The following RUBCN variants were observed in gnomAD, a reference collection of about 807,000 sequenced individuals.
The protein encoded by RUBCN is rubicon autophagy regulator.
A neutral mutation model predicts 113.2 loss-of-function variants in RUBCN; 74 were observed. The ratio of observed to expected loss-of-function variants is 0.65; its 90% confidence interval spans 0.54 to 0.79. The LOEUF (loss-of-function observed/expected upper bound fraction) is 0.79, where lower values mean the gene tolerates loss of function less well. Ranked by LOEUF, RUBCN falls within the 30% of genes least tolerant of loss-of-function variation. RUBCN has a pLI of 0.00. For synonymous variants in RUBCN, 480 were observed against 490.0 expected (o/e 0.98, Z 0.27); for missense variants, 1,109 against 1,251.7 (o/e 0.89, Z 1.72).
In RUBCN at chr3:197,748,777, T is replaced by C. The variant is rs1728870794; in HGVS notation, c.-116+492A>G. ...TTTTAAGTGTGACATGCATAAGAAA[T>C]ATTTTAAAACATGGGATCCCCAAGC... On this transcript the variant is annotated intron_variant, in intron 1 of 20. Coordinates refer to the RUBCN transcript ENST00000273582. Among the ~76,000 whole-genome samples, 4 of 152,342 alleles carry C rather than the reference T, an allele frequency of 2.6e-5. No homozygotes were observed. In the South Asian group the frequency reaches 8.3e-4, roughly 32 times the overall value.
intron 11 of RUBCN, among the ~76,000 whole-genome samples, chr3:197,689,466 T>C (rs910702705): frequency 6.6e-6 from 1 of 152,120 alleles, no homozygotes; most frequent in East Asian, 1.9e-4. Context: ...TGCCTGGTGG[T>C]GAGTGCAGAT....
At chr3:197,729,137 C>T (rs1473973392) in intron 1 of RUBCN, among the ~76,000 whole-genome samples, 2 of 144,654 alleles carry the variant, frequency 1.4e-5, no homozygotes, top group African/African-American at 5.2e-5. Context: ...CAGAGCGAGA[C>T]TCCGTCTCAA....
chr3:197,743,553 A>G (rs1363381666), intron 1 of RUBCN, among the ~76,000 whole-genome samples: 3 of 152,262 alleles, frequency 2.0e-5, no homozygotes, highest in African/African-American at 4.8e-5. Context: ...AAGCTACAGC[A>G]AAGTGGCAAA....
In RUBCN at chr3:197,670,421, G is replaced by C. The variant is rs1167212341; in HGVS notation, c.*4597C>G. On this transcript the variant is annotated 3_prime_UTR_variant, in exon 20 of 20. Transcript: ENST00000296343. ...TGCTGGGCTGCCATTGTGAATCAAT[G>C]GTCCTTGTTTTCCTCTTCAACAGTC... Among the ~76,000 whole-genome samples, 1 of 152,154 alleles carries C rather than the reference G, an allele frequency of 6.6e-6. No individual in the cohort carries two copies. Among genetic ancestry groups the C allele is most frequent in the Non-Finnish European group, 1.5e-5 (1 of 68,020 alleles).
chr3:197,689,566 G>A (rs1227843267), intron 11 of RUBCN, among the ~76,000 whole-genome samples: 1 of 152,066 alleles, frequency 6.6e-6, no homozygotes, highest in Non-Finnish European at 1.5e-5. Flanking sequence ...AGTTAGAAAG[G>A]GAGTCAGGAT....
chr3:197,678,346 G>C (rs1030452195), intron 16 of RUBCN, among the ~76,000 whole-genome samples: 11 of 146,646 alleles, frequency 7.5e-5, no homozygotes, highest in Admixed American at 1.4e-4. Flanking sequence ...GCTTCAGACT[G>C]TCCTATGCTC....
intron 9 of RUBCN, among the ~76,000 whole-genome samples, chr3:197,694,835 C>T (rs1271888464): frequency 6.6e-6 from 1 of 152,068 alleles, no homozygotes; most frequent in Non-Finnish European, 1.5e-5. Context: ...GAGAAGAGGC[C>T]CAGGATTTCA....
At chr3:197,695,473 T>C (rs965385679) in intron 9 of RUBCN, among the ~76,000 whole-genome samples, 1 of 152,110 alleles carries the variant, frequency 6.6e-6, no homozygotes, top group Admixed American at 6.6e-5. Flanking sequence ...TGGTGGTGCA[T>C]GTTTGTAGTC....
At position 197,693,733 on chromosome 3, in the gene RUBCN, C is replaced by T. The variant is rs747666746; in HGVS notation, c.1768G>A (p.Asp590Asn). 5 of 1,612,866 alleles carry T rather than the reference C, an allele frequency of 3.1e-6. No individual in the cohort carries two copies. In the Admixed American group the frequency reaches 6.7e-5, roughly 22 times the overall value. Reference protein sequence around the residue: ...LSDSGSADEVDEFEIQDADIR... With the variant: ...LSDSGSADEVNEFEIQDADIR... The stretch of plus-strand genomic sequence containing the variant: ...TTCTTACCTTGGATTTCAAATTCAT[C>T]AACCTCATCAGCAGAGCCAGAGTCA... The change falls in exon 11 of 20, where the codon GAT becomes AAT. Residue 590 changes from aspartate (D) to asparagine (N), a missense_variant. By Grantham distance (23) the Asp-to-Asn change is conservative. This residue lies in a region of RUBCN where 736 missense variants were observed against 779.6 expected (regional missense o/e 0.94). Coordinates refer to ENST00000296343, the MANE Select transcript of RUBCN (RefSeq NM_014687.4).
intron 1 of RUBCN, among the ~76,000 whole-genome samples, 164 bp downstream of exon 1, chr3:197,736,491 G>A (rs1019476900): frequency 8.8e-5 from 1 of 11,302 alleles, no homozygotes; most frequent in Admixed American, 1.0e-3. Context: ...TCCCCGCCCC[G>A]CCCGTCCTTC....
intron 1 of RUBCN, among the ~76,000 whole-genome samples, chr3:197,734,966 T>C (rs188066774): frequency 1.3e-5 from 2 of 152,340 alleles, no homozygotes; most frequent in East Asian, 1.9e-4. Context: ...CCCTTAAAAA[T>C]AGCAAGTCTT....
intron 7 of RUBCN, among the ~76,000 whole-genome samples, chr3:197,698,805 C>T (rs1447030815): frequency 1.3e-5 from 1 of 76,158 alleles, no homozygotes; most frequent in African/African-American, 5.5e-5. Flanking sequence ...CCAACCTGGG[C>T]AATGCGGTGA....
chr3:197,735,938 C>A (rs1001741959), intron 1 of RUBCN, among the ~76,000 whole-genome samples: 2 of 152,156 alleles, frequency 1.3e-5, no homozygotes, highest in African/African-American at 2.4e-5. Context: ...AAGATATGAG[C>A]TTTCTGACAT....
At chr3:197,711,572 T>C (rs1724967630) in intron 2 of RUBCN, among the ~76,000 whole-genome samples, 1 of 152,178 alleles carries the variant, frequency 6.6e-6, no homozygotes, top group Non-Finnish European at 1.5e-5. Context: ...TGGTGGCTCA[T>C]GCCTGTAATC....
At chr3:197,716,619 C>T (rs983995525) in intron 2 of RUBCN, among the ~76,000 whole-genome samples, 4 of 152,206 alleles carry the variant, frequency 2.6e-5, no homozygotes, top group Admixed American at 2.6e-4. Context: ...AAGATGTCTA[C>T]ATTCTAATTC....
chr3:197,742,841 G>A (rs1252883396), intron 1 of RUBCN, among the ~76,000 whole-genome samples: 1 of 152,232 alleles, frequency 6.6e-6, no homozygotes, highest in Non-Finnish European at 1.5e-5. Flanking sequence ...GGATATCTTC[G>A]AAAAACAAAC....
At chr3:197,680,488 C>T (rs567527047) in intron 16 of RUBCN, among the ~76,000 whole-genome samples, 15 of 151,096 alleles carry the variant, frequency 9.9e-5, no homozygotes, top group East Asian at 4.0e-4. Flanking sequence ...GACTGTCCTA[C>T]GCTCTAACTC....
At position 197,700,047 on chromosome 3, in the gene RUBCN, G is replaced by A. The variant is rs546788064; in HGVS notation, c.1261+566C>T. Among the ~76,000 whole-genome samples, 8 of 152,304 alleles carry A rather than the reference G, an allele frequency of 5.3e-5. No individual in the cohort carries two copies. In the South Asian group the frequency reaches 1.2e-3, roughly 24 times the overall value. On this transcript the variant is annotated intron_variant, in intron 7 of 19. Coordinates refer to ENST00000296343, the MANE Select transcript of RUBCN (RefSeq NM_014687.4). ...TAGGCTGCCCCTGCTATCAGCTGGT[G>A]TTTGGTGAGGGAGGTCCCAGCTGCC...
chr3:197,741,777 C>T (rs959387631), upstream of RUBCN, among the ~76,000 whole-genome samples: 1 of 151,304 alleles, frequency 6.6e-6, no homozygotes, highest in African/African-American at 2.4e-5. Context: ...GAGCTGAGAT[C>T]GCACCACTGC....
Sources: gnomAD v4.1 joint callset for allele counts (sites outside exome capture counted in the v4.1 genomes callset) on GRCh38, gnomAD v4.1.1 for gene constraint, gnomAD v4.1.1 regional missense constraint, MANE v1.5 for transcripts, NCBI Gene and HGNC (gene_info 2026-07-23, HGNC 2026-07-21) for gene names.